Variants in ATP9B observed in about 807,000 individuals in gnomAD.
ATP9B encodes probable phospholipid-transporting ATPase IIB.
Under a neutral mutation model 146.1 loss-of-function variants are expected in ATP9B, and 110 were observed. The ratio of observed to expected loss-of-function variants is 0.75; its 90% CI spans 0.65 to 0.88. The LOEUF is 0.88. Ranked by LOEUF, ATP9B falls within the 40% of genes least tolerant of loss-of-function variation. The probability of loss-of-function intolerance (pLI) is 0.00; values close to 1 mark genes in which losing one functional copy is unlikely to be tolerated. For missense variants in ATP9B, 1,499 were observed against 1,496.4 expected (o/e 1.00, Z -0.03); for synonymous variants, 604 against 569.7 (o/e 1.06, Z -0.86).
intron 13 of ATP9B, among the ~76,000 whole-genome samples, chr18:79,293,878 T>C (rs759822692): frequency 2.0e-5 from 3 of 152,218 alleles, no homozygotes; most frequent in African/African-American, 4.8e-5. Context: ...GCAGATATTA[T>C]ATTCAGTATT....
chr18:79,142,825 G>C (rs1034058546), intron 5 of ATP9B, among the ~76,000 whole-genome samples: 1 of 152,160 alleles, frequency 6.6e-6, no homozygotes, highest in Non-Finnish European at 1.5e-5. Context: ...CTGAAATACA[G>C]CTGCTTTAAG....
chr18:79,136,856 G>A (rs748355215), intron 5 of ATP9B, among the ~76,000 whole-genome samples: 4 of 152,190 alleles, frequency 2.6e-5, no homozygotes, highest in Non-Finnish European at 4.4e-5. Flanking sequence ...CATGGAGGAA[G>A]GAGAAGCAAA....
intron 8 of ATP9B, among the ~76,000 whole-genome samples, chr18:79,178,621 G>A (rs946220327): frequency 1.3e-5 from 2 of 152,262 alleles, no homozygotes; most frequent in East Asian, 3.9e-4. Flanking sequence ...CTGTAGGGAT[G>A]ATCATATGGA....
chr18:79,089,291 C>CA (rs773782222), intron 1 of ATP9B, among the ~76,000 whole-genome samples: 3 of 152,172 alleles, frequency 2.0e-5, no homozygotes, highest in Non-Finnish European at 4.4e-5. Context: ...TTTGTGAAAA[C>CA]AAAAATTATT....
chr18:79,131,123 T>C (rs529779980), intron 5 of ATP9B, among the ~76,000 whole-genome samples: 2 of 152,188 alleles, frequency 1.3e-5, no homozygotes, highest in South Asian at 4.1e-4. Context: ...ATCGTGCCAC[T>C]GCACTCCAGC....
intron 11 of ATP9B, among the ~76,000 whole-genome samples, chr18:79,244,156 C>T (rs1401963231): frequency 6.6e-6 from 1 of 151,840 alleles, no homozygotes; most frequent in African/African-American, 2.4e-5. Context: ...CTCTATTCTC[C>T]GCAGTTTCTT....
At chr18:79,242,025 G>A (rs1368745807) in intron 11 of ATP9B, among the ~76,000 whole-genome samples, 2 of 152,248 alleles carry the variant, frequency 1.3e-5, no homozygotes, top group Non-Finnish European at 2.9e-5. Flanking sequence ...AGGAGAGGGA[G>A]CACCGCCGTG....
At chr18:79,303,082 C>T (rs538848352) in intron 13 of ATP9B, among the ~76,000 whole-genome samples, 23 of 152,152 alleles carry the variant, frequency 1.5e-4, no homozygotes, top group Non-Finnish European at 2.5e-4. Flanking sequence ...CATTATTAAA[C>T]GTTGTTAGAG....
At chr18:79,155,944 A>G (rs1030517476) in intron 7 of ATP9B, among the ~76,000 whole-genome samples, 1 of 151,404 alleles carries the variant, frequency 6.6e-6, no homozygotes, top group Non-Finnish European at 1.5e-5. Context: ...TTGTATTTTT[A>G]GTAGAGACGG....
intron 25 of ATP9B, among the ~76,000 whole-genome samples, chr18:79,349,600 C>G (rs565576269): frequency 6.6e-6 from 1 of 152,298 alleles, no homozygotes; most frequent in Admixed American, 6.5e-5. Flanking sequence ...CCCAGGAGTT[C>G]CTCACAATTT....
chr18:79,126,262 T>A lies in ATP9B; in HGVS notation c.559-5T>A, dbSNP rs773756390. The A allele has an allele frequency of 3.1e-6, 5 of 1,600,528 alleles. No homozygotes were observed. In the East Asian group the frequency reaches 1.1e-4, roughly 36 times the overall value. ...TTTCTAAAAATACCTTATTTTGTTTTATAGGGATTTGTCTTGGCTGTTACT... is the reference window on the plus strand; with the variant it reads ...TTTCTAAAAATACCTTATTTTGTTTAATAGGGATTTGTCTTGGCTGTTACT... On this transcript the variant is annotated splice_polypyrimidine_tract_variant and splice_region_variant and intron_variant, in intron 4 of 29. Coordinates refer to ENST00000426216, the MANE Select transcript of ATP9B (RefSeq NM_198531.5).
At chr18:79,303,851 T>A in intron 14 of ATP9B, 135 bp downstream of exon 14, 3 of 563,350 alleles carry the variant, frequency 5.3e-6, no homozygotes, top group Non-Finnish European at 9.4e-6. Context: ...TTCAGTCGTC[T>A]GTTCGAATAT....
intron 25 of ATP9B, among the ~76,000 whole-genome samples, chr18:79,355,417 A>G (rs2096945401): frequency 1.3e-5 from 2 of 152,372 alleles, no homozygotes; most frequent in South Asian, 4.1e-4. Context: ...GATACAGAGC[A>G]GAACCAAATG....
intron 26 of ATP9B, among the ~76,000 whole-genome samples, chr18:79,367,177 CAG>C (rs60527927): frequency 0.016 from 612 of 37,608 alleles, 217 homozygotes; most frequent in East Asian, 0.062. Flanking sequence ...AGAGAGCACA[CAG>C]ATACCTTCAC....
intron 13 of ATP9B, among the ~76,000 whole-genome samples, chr18:79,279,406 AAATAT>A (rs771962953): frequency 2.6e-5 from 4 of 152,260 alleles, no homozygotes; most frequent in Non-Finnish European, 4.4e-5. Context: ...CTTCATTGAT[AAATAT>A]AATCAGAAAT....
intron 15 of ATP9B, 102 bp downstream of exon 15, chr18:79,307,336 T>A (rs1379660828): frequency 4.6e-6 from 7 of 1,512,698 alleles, no homozygotes; most frequent in Non-Finnish European, 6.3e-6. Context: ...AGGAGCAGTT[T>A]ATCGTAGCTT....
intron 5 of ATP9B, among the ~76,000 whole-genome samples, chr18:79,127,626 G>T (rs2094308865): frequency 6.6e-6 from 1 of 152,132 alleles, no homozygotes; most frequent in African/African-American, 2.4e-5. Flanking sequence ...GACATTTGGG[G>T]TTGTTTCTAC....
At chr18:79,235,430 T>A (rs1053675408) in intron 11 of ATP9B, among the ~76,000 whole-genome samples, 2 of 152,260 alleles carry the variant, frequency 1.3e-5, no homozygotes, top group Admixed American at 1.3e-4. Context: ...ACTTGTTTTC[T>A]GTGACACTTT....
At chr18:79,313,599 C>T (rs1252925673) in intron 15 of ATP9B, among the ~76,000 whole-genome samples, 1 of 152,128 alleles carries the variant, frequency 6.6e-6, no homozygotes, top group East Asian at 1.9e-4. Flanking sequence ...TACCTTATTC[C>T]ACATTTTTTA....
Sources: allele counts gnomAD v4.1 joint callset (sites outside exome capture counted in the v4.1 genomes callset), GRCh38; gene constraint gnomAD v4.1.1; transcripts MANE v1.5; gene names NCBI Gene and HGNC (gene_info 2026-07-23, HGNC 2026-07-21).